Variants in MED26 observed in about 807,000 individuals in gnomAD.
The protein encoded by MED26 is mediator of RNA polymerase II transcription subunit 26.
In MED26, 7 loss-of-function variants were observed where a neutral mutation model predicts 43.7. The ratio of observed to expected loss-of-function variants is 0.16; its 90% CI spans 0.09 to 0.30. MED26 has a LOEUF of 0.30. Among genes scored for constraint, MED26 ranks in the 10% least tolerant of loss-of-function variants. The pLI is 1.00. For synonymous variants in MED26, 375 were observed against 371.1 expected, an observed-to-expected ratio of 1.01 and a Z score of -0.12; for missense variants, 784 against 840.6, an observed-to-expected ratio of 0.93 and a Z score of 0.83.
chr19:16,622,781 G>A (rs963546188), intron 1 of MED26, among the ~76,000 whole-genome samples: 2 of 152,190 alleles, frequency 1.3e-5, no homozygotes, highest in African/African-American at 4.8e-5. Flanking sequence ...AAAGCACCCA[G>A]TTTCCAGAAG....
Position 16,577,199 on chromosome 19 carries a change from G to T in MED26, c.631C>A (p.Arg211Ser). 6.2e-7 allele frequency: 1 copy of T among 1,613,232 alleles called. No homozygotes were observed. The highest frequency in any genetic ancestry group is 1.1e-5 in the South Asian group (1 of 91,088). The stretch of plus-strand genomic sequence containing the variant: ...CCACTGTGCTTGTCATTCTCGTCAC[G>T]CTCCAGGCGGCTGCCCTCTGGGCCT... ...HAGPEGSRLE[R>S]DENDKHSGKI... Residue 211 changes from arginine (R) to serine (S), a missense_variant, in exon 3 of 3, where the codon CGT (arginine) becomes AGT (serine). Transcript: ENST00000263390. The surrounding 1 kb of genome is among the most constrained non-coding windows in gnomAD (Gnocchi z 8.1).
chr19:16,612,743 T>C (rs1194642739), intron 1 of MED26, among the ~76,000 whole-genome samples: 4 of 152,312 alleles, frequency 2.6e-5, no homozygotes, highest in South Asian at 2.1e-4. Context: ...TTAAACCTGC[T>C]TGTGAATTTC....
chr19:16,614,390 G>A (rs1467827070), intron 1 of MED26, among the ~76,000 whole-genome samples: 6 of 152,154 alleles, frequency 3.9e-5, no homozygotes, highest in African/African-American at 1.4e-4. Context: ...TTAGCTGGGT[G>A]TGGTAGCGTG....
At position 16,609,336 on chromosome 19, in the gene MED26, A is replaced by G. The variant is rs866450355; in HGVS notation, c.72+18536T>C. Among the ~76,000 whole-genome samples, 203 of 142,376 alleles carry G rather than the reference A, an allele frequency of 1.4e-3. 2 individuals carry two copies. The highest frequency in any genetic ancestry group is 3.4e-3 in the South Asian group (15 of 4,412). 93.4% of individuals were successfully genotyped at this position (142,376 alleles called of 152,430 possible). ...CAAAAAAAAAAAAAAAAAAAAAAAA[A>G]AGAGAGAGAATAAGATATTAACCAA... On this transcript the variant is annotated intron_variant, in intron 1 of 2. Coordinates refer to ENST00000263390, the MANE Select transcript of MED26 (RefSeq NM_004831.5).
At chr19:16,607,531 CAG>C (rs1368895917) in intron 1 of MED26, among the ~76,000 whole-genome samples, 2 of 152,154 alleles carry the variant, frequency 1.3e-5, no homozygotes, top group African/African-American at 2.4e-5. Flanking sequence ...AGAAAATAAA[CAG>C]TGTGATTAAT....
chr19:16,613,036 A>C (rs2086206720), intron 1 of MED26, among the ~76,000 whole-genome samples: 1 of 152,134 alleles, frequency 6.6e-6, no homozygotes. Flanking sequence ...TTTAGTACCT[A>C]CTAGGTACTA....
chr19:16,599,647 T>C (rs2086139182), intron 1 of MED26, among the ~76,000 whole-genome samples: 1 of 152,150 alleles, frequency 6.6e-6, no homozygotes, highest in Admixed American at 6.5e-5. Context: ...ACCCTCACTG[T>C]TGCGCCCCCT....
intron 1 of MED26, among the ~76,000 whole-genome samples, chr19:16,582,311 C>T (rs1238273124): frequency 6.6e-6 from 1 of 152,224 alleles, no homozygotes; most frequent in Non-Finnish European, 1.5e-5. Flanking sequence ...AGACACAGGC[C>T]TCCCAGGCCC....
chr19:16,579,084 G>A (rs551180913), intron 1 of MED26, among the ~76,000 whole-genome samples: 3 of 152,100 alleles, frequency 2.0e-5, no homozygotes, highest in African/African-American at 7.2e-5. Context: ...CTGGGTGACA[G>A]AGCAAGACTC....
Position 16,587,176 on chromosome 19 carries a change from T to G in MED26, c.73-8767A>C, listed in dbSNP as rs2086075121. On this transcript the variant is annotated intron_variant, in intron 1 of 2. Coordinates refer to ENST00000263390, the MANE Select transcript of MED26 (RefSeq NM_004831.5). This position sits in a 1 kb window ranked among gnomAD's most constrained non-coding sequence, Gnocchi z 4.9. ...ACACACGGGTGAATCAAACAGGGCT[T>G]TGCTGGGAGAGTGTGTGTCTGTGAT... is the stretch of plus-strand genomic sequence containing the variant. 6.6e-6 allele frequency: 1 copy of G among 151,922 alleles called. No individual in the cohort carries two copies. Among genetic ancestry groups the G allele is most frequent in the Non-Finnish European group, 1.5e-5 (1 of 67,948 alleles). The allele number at this position is 151,922 out of a possible 1,614,324, so 9.4% of individuals were successfully genotyped here. A position where few individuals can be genotyped will look rare whatever the true frequency, so the allele number is the denominator to read the frequency against.
Position 16,597,460 on chromosome 19 carries a change from A to C in MED26, c.73-19051T>G, listed in dbSNP as rs1398665651. 4 of 398,546 alleles carry C rather than the reference A, an allele frequency of 1.0e-5. No individual in the cohort carries two copies. In the East Asian group the frequency reaches 1.4e-4, roughly 14 times the overall value. The allele number at this position is 398,546 out of a possible 1,614,324, so 24.7% of individuals were successfully genotyped here. On this transcript the variant is annotated intron_variant, in intron 1 of 2. Coordinates refer to ENST00000263390, the MANE Select transcript of MED26 (RefSeq NM_004831.5). Reference sequence around the variant, plus strand: ...TTGTTTCACACCGCACTTCCTAAACAGGTAACATTTAAGGTTAGACAACAG... The same window carrying C: ...TTGTTTCACACCGCACTTCCTAAACCGGTAACATTTAAGGTTAGACAACAG...
chr19:16,578,129 C>T (rs887610400), intron 2 of MED26: 1 of 604,192 alleles, frequency 1.7e-6, no homozygotes, highest in Admixed American at 3.0e-5. Context: ...GTGTGCTGGG[C>T]ATGTAGGATG....
intron 1 of MED26, among the ~76,000 whole-genome samples, chr19:16,601,799 C>G (rs2086150963): frequency 2.0e-5 from 3 of 152,258 alleles, no homozygotes; most frequent in Non-Finnish European, 1.5e-5. Context: ...GCAGGCCACC[C>G]CGGGCCATGC....
intron 1 of MED26, among the ~76,000 whole-genome samples, chr19:16,599,951 A>G (rs79179083): frequency 1.3e-5 from 2 of 152,326 alleles, no homozygotes; most frequent in Middle Eastern, 3.4e-3. Context: ...CACTTGCCAC[A>G]GAAGCCTCAA....
intron 1 of MED26, among the ~76,000 whole-genome samples, chr19:16,622,579 T>C (rs1375014533): frequency 1.3e-5 from 2 of 152,160 alleles, no homozygotes; most frequent in Admixed American, 1.3e-4. Flanking sequence ...AAAGCGGCTG[T>C]TTTGGAAGGT....
Position 16,628,170 on chromosome 19 carries a change from G to A in MED26, c.-227C>T, listed in dbSNP as rs903942468. 2 of 357,596 alleles carry A rather than the reference G, an allele frequency of 5.6e-6. No individual in the cohort carries two copies. The highest frequency in any genetic ancestry group is 2.1e-5 in the African/African-American group (1 of 46,614). The allele number at this position is 357,596 out of a possible 1,614,324, so 22.2% of individuals were successfully genotyped here. A position where few individuals can be genotyped will look rare whatever the true frequency, so the allele number is the denominator to read the frequency against. On this transcript the variant is annotated 5_prime_UTR_variant, in exon 1 of 3. Transcript: ENST00000263390. ...AGGAGGAGCCGCCGGAGCCGCCGCC[G>A]CTCGCTGCCGCCGCCTCGAGAACCA...
chr19:16,607,032 A>G (rs1463451158), intron 1 of MED26, among the ~76,000 whole-genome samples: 1 of 152,026 alleles, frequency 6.6e-6, no homozygotes, highest in African/African-American at 2.4e-5. Context: ...CTCAGCTGCT[A>G]TTTATCTCCT....
rs376943098 is a variant in MED26, at chr19:16,599,756, TG to T, written c.73-21348del. On this transcript the variant is annotated intron_variant, in intron 1 of 2. Transcript: ENST00000263390. ...TACCCTGCTGGCCTGGGGCTGGAACTGGGGTTCCTCTGTAGCACCCTGCAGC... is the reference window on the plus strand; with the variant it reads ...TACCCTGCTGGCCTGGGGCTGGAACTGGGTTCCTCTGTAGCACCCTGCAGC... Among the ~76,000 whole-genome samples the T allele has an allele frequency of 1.6e-4, 25 of 152,116 alleles. No individual in the cohort carries two copies. The East Asian group carries it at 2.2e-3, about 13-fold the overall frequency.
rs2086070791 is a variant in MED26, at chr19:16,586,393, G to A, written c.73-7984C>T. On this transcript the variant is annotated intron_variant, in intron 1 of 2. Coordinates refer to ENST00000263390, the MANE Select transcript of MED26 (RefSeq NM_004831.5). The surrounding 1 kb of genome is among the most constrained non-coding windows in gnomAD (Gnocchi z 5.1). ...GCTACCAAACACACAGGGCCCATCTGGTGCTTTGAGTAGGTGGGGTGAAGG... is the reference window on the plus strand; with the variant it reads ...GCTACCAAACACACAGGGCCCATCTAGTGCTTTGAGTAGGTGGGGTGAAGG... Among the ~76,000 whole-genome samples the A allele has an allele frequency of 1.3e-5, 2 of 152,224 alleles. No homozygotes were observed. Among genetic ancestry groups the A allele is most frequent in the South Asian group, 4.1e-4 (2 of 4,838 alleles).
Sources: allele counts gnomAD v4.1 joint callset (sites outside exome capture counted in the v4.1 genomes callset), GRCh38; gene constraint gnomAD v4.1.1; non-coding constraint Gnocchi (gnomAD v3.1); transcripts MANE v1.5; gene names NCBI Gene and HGNC (gene_info 2026-07-23, HGNC 2026-07-21).